Variants in LDLRAD4 observed in about 807,000 individuals in gnomAD.
LDLRAD4 encodes low density lipoprotein receptor class A domain containing 4.
LDLRAD4 carries 5 observed loss-of-function variants against 17.0 expected under a neutral mutation model. The observed-to-expected ratio is 0.29, with a 90% confidence interval of 0.15 to 0.62. LDLRAD4 has a LOEUF of 0.62. Ranked by LOEUF, LDLRAD4 falls within the 20% of genes least tolerant of loss-of-function variation. The probability of loss-of-function intolerance (pLI) is 0.84; values close to 1 mark genes in which losing one functional copy is unlikely to be tolerated. For synonymous variants in LDLRAD4, 168 were observed against 171.8 expected (o/e 0.98, Z 0.17); for missense variants, 340 against 424.7 (o/e 0.80, Z 1.75).
chr18:13,586,292 C>T (rs967824470), intron 3 of LDLRAD4, among the ~76,000 whole-genome samples: 16 of 149,716 alleles, frequency 1.1e-4, no homozygotes, highest in African/African-American at 3.7e-4. Context: ...TCTGTAATCC[C>T]AGCTACTGGG....
At chr18:13,408,558 T>C (rs1300771589) in intron 2 of LDLRAD4, among the ~76,000 whole-genome samples, 1 of 151,972 alleles carries the variant, frequency 6.6e-6, no homozygotes, top group African/African-American at 2.4e-5. Context: ...CTGCAACCTC[T>C]GCCTCCTGGG....
chr18:13,286,061 A>C (rs908015381), intron 1 of LDLRAD4, among the ~76,000 whole-genome samples: 1 of 152,198 alleles, frequency 6.6e-6, no homozygotes, highest in African/African-American at 2.4e-5. Flanking sequence ...TTCCCAAACC[A>C]AAACTGTGTA....
chr18:13,599,568 G>A (rs2148619535), intron 3 of LDLRAD4, among the ~76,000 whole-genome samples: 1 of 145,456 alleles, frequency 6.9e-6, no homozygotes, highest in East Asian at 2.0e-4. Flanking sequence ...ACGGCTCACT[G>A]CAAGCTCCAC....
intron 3 of LDLRAD4, among the ~76,000 whole-genome samples, chr18:13,443,354 A>G (rs2091158480): frequency 6.6e-6 from 1 of 152,086 alleles, no homozygotes; most frequent in Non-Finnish European, 1.5e-5. Flanking sequence ...CATTTTGTTT[A>G]TTGAGGACTT....
chr18:13,521,442 CA>C (rs2093951790), intron 3 of LDLRAD4: 1 of 152,100 alleles, frequency 6.6e-6, no homozygotes, highest in Admixed American at 6.5e-5. Context: ...TGGGATAGAG[CA>C]AAACAAACCA....
intron 3 of LDLRAD4, among the ~76,000 whole-genome samples, chr18:13,498,530 G>A (rs1220697056): frequency 2.7e-5 from 4 of 146,868 alleles, no homozygotes; most frequent in African/African-American, 1.0e-4. Flanking sequence ...TCCCACTGTG[G>A]ACACTGGAGA....
At chr18:13,599,190 CTT>C (rs1204768706) in intron 3 of LDLRAD4, among the ~76,000 whole-genome samples, 1 of 152,088 alleles carries the variant, frequency 6.6e-6, no homozygotes, top group Non-Finnish European at 1.5e-5. Context: ...AGAGGAAACT[CTT>C]GTTTTTTTGC....
chr18:13,435,219 A>G (rs2090574144), intron 2 of LDLRAD4, among the ~76,000 whole-genome samples: 1 of 152,226 alleles, frequency 6.6e-6, no homozygotes, highest in Non-Finnish European at 1.5e-5. Flanking sequence ...AGTTGGACAG[A>G]TATTTACTGT....
chr18:13,501,728 G>A (rs1350771200), intron 3 of LDLRAD4, among the ~76,000 whole-genome samples: 1 of 152,092 alleles, frequency 6.6e-6, no homozygotes, highest in Non-Finnish European at 1.5e-5. Context: ...CAGGACGCCT[G>A]ACACTCGCTC....
chr18:13,643,380 G>C, exon 5 of LDLRAD4: 1 of 1,348,452 alleles, frequency 7.4e-7, no homozygotes, highest in South Asian at 1.6e-5. Flanking sequence ...GTGGCCTTCA[G>C]ACAGCGCCGC....
At chr18:13,574,892 C>T (rs1372251739) in intron 3 of LDLRAD4, among the ~76,000 whole-genome samples, 1 of 152,180 alleles carries the variant, frequency 6.6e-6, no homozygotes, top group Admixed American at 6.5e-5. Context: ...ACACCCCTCC[C>T]TTTTTGTCTC....
chr18:13,306,903 C>T (rs776831505), intron 1 of LDLRAD4, among the ~76,000 whole-genome samples: 1 of 152,144 alleles, frequency 6.6e-6, no homozygotes, highest in Non-Finnish European at 1.5e-5. Flanking sequence ...GTAGACACCA[C>T]ACCAGAGGAA....
chr18:13,309,537 C>T (rs754638100), intron 1 of LDLRAD4, among the ~76,000 whole-genome samples: 12 of 152,168 alleles, frequency 7.9e-5, no homozygotes, highest in Non-Finnish European at 1.6e-4. Flanking sequence ...CCCCCTTCTC[C>T]TGTGGGCACT....
intron 1 of LDLRAD4, among the ~76,000 whole-genome samples, chr18:13,292,820 T>C (rs760878260): frequency 1.1e-4 from 17 of 152,252 alleles, no homozygotes; most frequent in South Asian, 2.1e-4. Flanking sequence ...AAGTTTTTCA[T>C]TGGCGATCCC....
intron 1 of LDLRAD4, among the ~76,000 whole-genome samples, chr18:13,250,574 A>G (rs2043181501): frequency 6.6e-6 from 1 of 152,214 alleles, no homozygotes; most frequent in African/African-American, 2.4e-5. Flanking sequence ...CCAGAGAAAT[A>G]TAAAGGATCA....
chr18:13,268,694 A>T (rs2044358897), intron 1 of LDLRAD4, among the ~76,000 whole-genome samples: 1 of 152,252 alleles, frequency 6.6e-6, no homozygotes, highest in African/African-American at 2.4e-5. Context: ...ACCTGTAAAA[A>T]TTCTTAACAA....
Position 13,483,645 on chromosome 18 carries a change from C to T in LDLRAD4, c.181+45261C>T, listed in dbSNP as rs78047730. Among the ~76,000 whole-genome samples the T allele has an allele frequency of 3.6e-4, 55 of 152,330 alleles. No homozygotes were observed. The East Asian group carries it at 0.01, about 28-fold the overall frequency. ...CTAGGATGTGTTTGCCGGATGCTTA[C>T]CAAACGCCAGATACTGTGCGTGTTG... is the stretch of plus-strand genomic sequence containing the variant. On this transcript the variant is annotated intron_variant, in intron 3 of 5. Coordinates refer to ENST00000359446, the Ensembl canonical transcript of LDLRAD4.
chr18:13,647,581 C>A (rs1375329498), exon 6 of LDLRAD4: 1 of 151,010 alleles, frequency 6.6e-6, no homozygotes, highest in East Asian at 1.9e-4. Flanking sequence ...CAAGAGTTGT[C>A]TGATCCTAGT....
chr18:13,267,887 T>C (rs1231782255), intron 1 of LDLRAD4, among the ~76,000 whole-genome samples: 1 of 152,202 alleles, frequency 6.6e-6, no homozygotes, highest in East Asian at 1.9e-4. Flanking sequence ...ATGCATTGTT[T>C]CTTTTTCTTT....
Sources: gnomAD v4.1 joint callset for allele counts (sites outside exome capture counted in the v4.1 genomes callset) on GRCh38, gnomAD v4.1.1 for gene constraint, MANE v1.5 for transcripts, NCBI Gene and HGNC (gene_info 2026-07-23, HGNC 2026-07-21) for gene names.